Variants in THEM6 observed in about 807,000 individuals in gnomAD.
The protein encoded by THEM6 is thioesterase superfamily member 6, also known as protein THEM6.
Under a neutral mutation model 13.7 loss-of-function variants are expected in THEM6, and 10 were observed. That is an observed-to-expected ratio of 0.73 (90% CI 0.45 to 1.24). The LOEUF (loss-of-function observed/expected upper bound fraction) is 1.24, where lower values mean the gene tolerates loss of function less well. THEM6 is among the 50% of genes most tolerant of loss of function. The pLI is 0.00. For synonymous variants in THEM6, 161 were observed against 156.0 expected (o/e 1.03, Z -0.24); for missense variants, 317 against 312.6 (o/e 1.01, Z -0.11).
chr8:142,733,039 C>T (rs1339363921), intron 1 of THEM6, among the ~76,000 whole-genome samples: 2 of 152,224 alleles, frequency 1.3e-5, no homozygotes, highest in African/African-American at 4.8e-5. Context: ...GAAACAGGGT[C>T]ATTTATAACC....
chr8:142,728,937 C>CTTTTTTTTTTT (rs58263738), intron 1 of THEM6, among the ~76,000 whole-genome samples: 2 of 107,266 alleles, frequency 1.9e-5, no homozygotes, highest in African/African-American at 3.6e-5. Context: ...TTACTATTTT[C>CTTTTTTTTTTT]TTTTTTTTTT....
At chr8:142,728,941 T>TTC (rs1193260537) in intron 1 of THEM6, among the ~76,000 whole-genome samples, 5 of 141,606 alleles carry the variant, frequency 3.5e-5, no homozygotes, top group Admixed American at 6.9e-5. Flanking sequence ...TATTTTCTTT[T>TTC]TTTTTTTTTT....
chr8:142,730,908 CT>C (rs1587582284), intron 1 of THEM6, among the ~76,000 whole-genome samples: 1 of 152,112 alleles, frequency 6.6e-6, no homozygotes, highest in African/African-American at 2.4e-5. Context: ...CCATGCCCAG[CT>C]AATTTTTTGT....
intron 1 of THEM6, among the ~76,000 whole-genome samples, chr8:142,729,841 T>C (rs1178666224): frequency 6.6e-6 from 1 of 152,188 alleles, no homozygotes; most frequent in Non-Finnish European, 1.5e-5. Flanking sequence ...TCCTGAGCAG[T>C]TGAATGTGTA....
intron 1 of THEM6, among the ~76,000 whole-genome samples, chr8:142,731,762 C>T (rs1815650735): frequency 6.6e-6 from 1 of 152,224 alleles, no homozygotes; most frequent in South Asian, 2.1e-4. Flanking sequence ...TGGGCATGCA[C>T]TGCCGTCAGT....
In THEM6 at chr8:142,732,204, A is replaced by ATATATATATATATATATATATG. The variant is rs1382315215; in HGVS notation, c.514-3119_514-3118insATATATATATATATATATGTAT. On this transcript the variant is annotated intron_variant, in intron 1 of 1. Coordinates refer to ENST00000336138, the MANE Select transcript of THEM6 (RefSeq NM_016647.3). ...TATATATATATATATATATATATAT[A>ATATATATATATATATATATATG]TATTTTAACTACTGGAGGTTTGTGT... Among the ~76,000 whole-genome samples the ATATATATATATATATATATATG allele has an allele frequency of 7.8e-5, 8 of 102,678 alleles. 1 individual carries two copies. Among genetic ancestry groups the ATATATATATATATATATATATG allele is most frequent in the African/African-American group, 3.4e-4 (8 of 23,570 alleles). The allele number at this position is 102,678 out of a possible 152,430, so 67.4% of individuals were successfully genotyped here. A position where few individuals can be genotyped will look rare whatever the true frequency, so the allele number is the denominator to read the frequency against.
chr8:142,729,629 A>AG (rs1554642768), intron 1 of THEM6, among the ~76,000 whole-genome samples: 1 of 152,122 alleles, frequency 6.6e-6, no homozygotes, highest in Non-Finnish European at 1.5e-5. Context: ...AAAAATACCT[A>AG]GGGGGTCTTT....
Position 142,727,526 on chromosome 8 carries a change from C to G in THEM6, c.180C>G (p.Asp60Glu), listed in dbSNP as rs782032229. Residue 60 changes from aspartate to glutamate, a missense_variant, in exon 1 of 2, where the codon GAC becomes GAG. Transcript: ENST00000336138. The part of the protein sequence containing the change: ...FPGRVLPSDL[D>E]LLLHMNNARY... Reference sequence around the variant, plus strand: ...GCCGCGTGCTGCCCTCGGACTTGGACCTGCTGCTGCACATGAACAACGCGC... The same window carrying G: ...GCCGCGTGCTGCCCTCGGACTTGGAGCTGCTGCTGCACATGAACAACGCGC... The G allele has an allele frequency of 3.2e-6, 5 of 1,578,926 alleles. No individual in the cohort carries two copies. In the African/African-American group the frequency reaches 6.9e-5, roughly 22 times the overall value.
Position 142,727,778 on chromosome 8 carries a change from C to T in THEM6, c.432C>T (p.Phe144=), listed in dbSNP as rs1554642531. 6.8e-7 allele frequency: 1 copy of T among 1,468,834 alleles called. No individual in the cohort carries two copies. The highest frequency in any genetic ancestry group is 8.9e-7 in the Non-Finnish European group (1 of 1,118,764). The allele number at this position is 1,468,834 out of a possible 1,614,324, so 91.0% of individuals were successfully genotyped here. ...GCTTTGTCAGCCTGCGGGACGGCTT[C>T]GTGTGCGCGCTGCTGCGCTTCCGGC... is the stretch of plus-strand genomic sequence containing the variant. ...EARFVSLRDG[F]VCALLRFRQH... Residue 144 remains phenylalanine, a synonymous_variant, in exon 1 of 2, where the codon TTC becomes TTT. Transcript: ENST00000336138.
chr8:142,731,305 A>G (rs1417885613), intron 1 of THEM6, among the ~76,000 whole-genome samples: 9 of 152,210 alleles, frequency 5.9e-5, no homozygotes, highest in African/African-American at 2.2e-4. Flanking sequence ...AAAACAAAAT[A>G]TATTTTTTAA....
chr8:142,732,557 T>A (rs1319592639), intron 1 of THEM6, among the ~76,000 whole-genome samples: 2 of 152,060 alleles, frequency 1.3e-5, no homozygotes, highest in Admixed American at 1.3e-4. Context: ...CAGGGTTGTC[T>A]GTGATCATTC....
rs1398067608 is a variant in THEM6, at chr8:142,732,202, ATATATT to A, written c.514-3122_514-3117del. ...TATATATATATATATATATATATAT[ATATATT>A]TTAACTACTGGAGGTTTGTGTGAGG... On this transcript the variant is annotated intron_variant, in intron 1 of 1. Coordinates refer to ENST00000336138, the MANE Select transcript of THEM6 (RefSeq NM_016647.3). 4.9e-3 allele frequency among the ~76,000 whole-genome samples: 503 copies of A among 102,600 alleles called. 12 individuals carry two copies. The highest frequency in any genetic ancestry group is 0.014 in the Middle Eastern group (3 of 210). 67.3% of individuals were successfully genotyped at this position (102,600 alleles called of 152,430 possible).
At chr8:142,732,206 A>T (rs1404357564) in intron 1 of THEM6, among the ~76,000 whole-genome samples, 2 of 95,016 alleles carry the variant, frequency 2.1e-5, no homozygotes, top group African/African-American at 4.3e-5. Context: ...ATATATATAT[A>T]TTTTAACTAC....
chr8:142,736,577 C>A lies in THEM6; in HGVS notation c.*1138C>A. 6.6e-6 allele frequency: 1 copy of A among 152,398 alleles called. No homozygotes were observed. Among genetic ancestry groups the A allele is most frequent in the Non-Finnish European group, 1.5e-5 (1 of 68,076 alleles). 9.4% of individuals were successfully genotyped at this position (152,398 alleles called of 1,614,324 possible). On this transcript the variant is annotated 3_prime_UTR_variant, in exon 2 of 2. Transcript: ENST00000336138. The stretch of plus-strand genomic sequence containing the variant: ...TGGGGAAACTGAGGCCTGGAATGGC[C>A]CAGAGTCACCAAGGCAAAGTTGGGG...
At chr8:142,727,952 C>G in intron 1 of THEM6, 93 bp downstream of exon 1, 1 of 1,299,860 alleles carries the variant, frequency 7.7e-7, no homozygotes, top group Non-Finnish European at 9.9e-7. Flanking sequence ...TAGGGAAGGC[C>G]CGCTGCCTGC....
At chr8:142,729,248 T>G (rs1554642734) in intron 1 of THEM6, among the ~76,000 whole-genome samples, 1 of 152,216 alleles carries the variant, frequency 6.6e-6, no homozygotes, top group African/African-American at 2.4e-5. Flanking sequence ...TTGAAACGCT[T>G]GTTCCCCGGT....
intron 1 of THEM6, among the ~76,000 whole-genome samples, chr8:142,733,300 AAT>A (rs1373619034): frequency 1.3e-5 from 2 of 152,246 alleles, no homozygotes; most frequent in Admixed American, 6.5e-5. Context: ...ATTTAGGCTA[AAT>A]TGTGGGAGCT....
chr8:142,731,581 A>G (rs1554642938), intron 1 of THEM6, among the ~76,000 whole-genome samples: 1 of 151,810 alleles, frequency 6.6e-6, no homozygotes, highest in Non-Finnish European at 1.5e-5. Context: ...TTCACCCTCT[A>G]TGTCTTCCTT....
Position 142,727,475 on chromosome 8 carries a change from C to G in THEM6, c.129C>G (p.Asp43Glu). Reference sequence around the variant, plus strand: ...GCCTGCTGCAGCCGCGCGTCCGTGACCTGCTAGCTGAGCAGCGCTTCCCGG... The same window carrying G: ...GCCTGCTGCAGCCGCGCGTCCGTGAGCTGCTAGCTGAGCAGCGCTTCCCGG... ...RARLLQPRVR[D>E]LLAEQRFPGR... is the part of the protein sequence containing the mutation. The change falls in exon 1 of 2, where the codon GAC becomes GAG. Residue 43 changes from aspartate to glutamate, a missense_variant. Transcript: ENST00000336138. 6.3e-7 allele frequency: 1 copy of G among 1,575,622 alleles called. No homozygotes were observed. The highest frequency in any genetic ancestry group is 8.6e-7 in the Non-Finnish European group (1 of 1,168,838).
Sources: gnomAD v4.1 joint callset for allele counts (sites outside exome capture counted in the v4.1 genomes callset) on GRCh38, gnomAD v4.1.1 for gene constraint, MANE v1.5 for transcripts, NCBI Gene and HGNC (gene_info 2026-07-23, HGNC 2026-07-21) for gene names.